The following ESRRG variants were observed in gnomAD, a reference collection of about 807,000 sequenced individuals.
ESRRG encodes the protein estrogen related receptor gamma, also known as estrogen-related receptor gamma.
A neutral mutation model predicts 44.0 loss-of-function variants in ESRRG; 13 were observed. The observed-to-expected ratio is 0.30, with a 90% CI of 0.19 to 0.47. ESRRG has a LOEUF of 0.47. ESRRG is among the 20% of genes least tolerant of loss of function. The pLI, the probability that ESRRG is intolerant of heterozygous loss-of-function variation, is 1.00. For synonymous variants in ESRRG, 215 were observed against 214.6 expected, an observed-to-expected ratio of 1.00 and a Z score of -0.02; for missense variants, 395 against 580.6, an observed-to-expected ratio of 0.68 and a Z score of 3.29.
intron 1 of ESRRG, among the ~76,000 whole-genome samples, chr1:216,950,753 A>T (rs1409870489): frequency 6.6e-6 from 1 of 152,222 alleles, no homozygotes. Flanking sequence ...ATTATTGAAG[A>T]TGTTCAAAAA....
chr1:216,932,540 T>C (rs2063508248), intron 2 of ESRRG, among the ~76,000 whole-genome samples: 2 of 151,890 alleles, frequency 1.3e-5, no homozygotes. Context: ...GGGGTGTGTG[T>C]GTGTGTTTGT....
At chr1:216,695,156 A>C (rs925625673) in intron 1 of ESRRG, among the ~76,000 whole-genome samples, 13 of 152,108 alleles carry the variant, frequency 8.5e-5, no homozygotes, top group African/African-American at 2.7e-4. Flanking sequence ...AATAATATAT[A>C]ATAATTAGTC....
intron 3 of ESRRG, among the ~76,000 whole-genome samples, chr1:216,596,944 C>T (rs549418972): frequency 6.6e-4 from 101 of 151,992 alleles, no homozygotes; most frequent in South Asian, 1.7e-3. Context: ...TTTTTTGGCC[C>T]TTTGGAGATC....
intron 3 of ESRRG, among the ~76,000 whole-genome samples, chr1:216,630,712 C>T (rs1025543535): frequency 1.3e-5 from 2 of 152,108 alleles, no homozygotes; most frequent in Non-Finnish European, 2.9e-5. Flanking sequence ...GATTGGCAGC[C>T]CTGTCCATTT....
intron 2 of ESRRG, among the ~76,000 whole-genome samples, chr1:216,883,366 C>A (rs1446314254): frequency 4.7e-5 from 5 of 106,824 alleles, no homozygotes; most frequent in African/African-American, 3.6e-5. Context: ...GCCTGGGGGA[C>A]AAGAGCGAGA....
chr1:216,511,064 C>T (rs1024568833), intron 6 of ESRRG, among the ~76,000 whole-genome samples: 1 of 152,004 alleles, frequency 6.6e-6, no homozygotes. Context: ...AGAGTCGAGC[C>T]TAGTATATAA....
chr1:216,718,504 T>C (rs1360219492), intron 1 of ESRRG, among the ~76,000 whole-genome samples: 1 of 151,866 alleles, frequency 6.6e-6, no homozygotes, highest in African/African-American at 2.4e-5. Flanking sequence ...AATGGAAAGA[T>C]TGTCAAGCAG....
chr1:216,892,678 T>TA (rs2149413833), intron 2 of ESRRG, among the ~76,000 whole-genome samples: 1 of 152,210 alleles, frequency 6.6e-6, no homozygotes, highest in South Asian at 2.1e-4. Flanking sequence ...TAGGGAGAAA[T>TA]TAAATTCAGC....
At chr1:216,587,991 T>C (rs768436767) in intron 3 of ESRRG, among the ~76,000 whole-genome samples, 3 of 152,322 alleles carry the variant, frequency 2.0e-5, no homozygotes, top group Non-Finnish European at 4.4e-5. Context: ...TAAGATCCTA[T>C]TTTAGCAGCA....
chr1:216,819,398 T>C (rs2095238520), intron 2 of ESRRG, among the ~76,000 whole-genome samples: 1 of 152,240 alleles, frequency 6.6e-6, no homozygotes, highest in East Asian at 1.9e-4. Flanking sequence ...TCTTCCTTTT[T>C]TAAGCGACTT....
chr1:216,715,171 C>T (rs1172868551), intron 1 of ESRRG: 4 of 985,128 alleles, frequency 4.1e-6, no homozygotes. Flanking sequence ...GTGTGTAGTT[C>T]AGTACAATTC....
intron 2 of ESRRG, among the ~76,000 whole-genome samples, chr1:216,816,979 A>C (rs2095157999): frequency 6.6e-6 from 1 of 152,192 alleles, no homozygotes; most frequent in South Asian, 2.1e-4. Flanking sequence ...GCCTTCTTTC[A>C]AATATCACAA....
At chr1:216,681,793 G>GAATC (rs5780905) in intron 1 of ESRRG, 130,721 of 151,926 alleles carry the variant, frequency 0.86, 56,260 homozygotes, top group Admixed American at 0.88. Flanking sequence ...GAAAGAATAA[G>GAATC]AATTAAAGTT....
chr1:216,698,732 G>C (rs759860696), intron 1 of ESRRG, among the ~76,000 whole-genome samples: 3 of 152,012 alleles, frequency 2.0e-5, no homozygotes, highest in Non-Finnish European at 4.4e-5. Context: ...GTCAGAGAAA[G>C]AAATGGAAAT....
chr1:216,576,208 G>A (rs1237174650), intron 3 of ESRRG, among the ~76,000 whole-genome samples: 5 of 151,982 alleles, frequency 3.3e-5, no homozygotes. Context: ...ATTTACTTGT[G>A]CTGGAATATC....
intron 1 of ESRRG, among the ~76,000 whole-genome samples, chr1:217,017,317 A>C (rs2079545643): frequency 6.6e-6 from 1 of 152,058 alleles, no homozygotes. Flanking sequence ...TAATATAATA[A>C]AAATAACCCC....
At chr1:217,005,714 T>C (rs1354710535) in intron 1 of ESRRG, among the ~76,000 whole-genome samples, 1 of 152,002 alleles carries the variant, frequency 6.6e-6, no homozygotes, top group Admixed American at 6.6e-5. Flanking sequence ...TAAATGGTTC[T>C]TCTGACCATT....
intron 2 of ESRRG, among the ~76,000 whole-genome samples, chr1:216,749,215 T>C (rs11572654): frequency 0.17 from 26,204 of 151,740 alleles, 2,365 homozygotes; most frequent in East Asian, 0.3. Flanking sequence ...CAAACTGCTG[T>C]TCAGTGACTG....
intron 2 of ESRRG, among the ~76,000 whole-genome samples, chr1:216,865,508 G>A (rs1254268710): frequency 6.6e-6 from 1 of 151,994 alleles, no homozygotes; most frequent in South Asian, 2.1e-4. Context: ...CTTCCTACCT[G>A]GCTTCATAGC....
Sources: allele counts gnomAD v4.1 joint callset (sites outside exome capture counted in the v4.1 genomes callset), GRCh38; gene constraint gnomAD v4.1.1; transcripts MANE v1.5; gene names NCBI Gene and HGNC (gene_info 2026-07-23, HGNC 2026-07-21).